MYOZ2: variants seen among roughly 807,000 people sequenced by gnomAD.
MYOZ2 encodes the protein myozenin 2.
MYOZ2 carries 19 observed loss-of-function variants against 25.4 expected under a neutral mutation model. The observed-to-expected ratio is 0.75, with a 90% CI of 0.52 to 1.10. The LOEUF (loss-of-function observed/expected upper bound fraction) is 1.10, where lower values mean the gene tolerates loss of function less well. MYOZ2 is among the 50% of genes least tolerant of loss of function. The pLI, the probability that MYOZ2 is intolerant of heterozygous loss-of-function variation, is 0.00. For missense variants in MYOZ2, 270 were observed against 317.9 expected (o/e 0.85, Z 1.15); for synonymous variants, 92 against 106.9 (o/e 0.86, Z 0.86).
chr4:119,169,293 C>T (rs1741899280), intron 5 of MYOZ2, among the ~76,000 whole-genome samples: 2 of 152,184 alleles, frequency 1.3e-5, no homozygotes, highest in South Asian at 4.1e-4. Context: ...TTTCATGCAA[C>T]TTGCTCTCTT....
intron 3 of MYOZ2, among the ~76,000 whole-genome samples, chr4:119,154,869 A>T (rs1405905741): frequency 7.4e-6 from 1 of 134,908 alleles, no homozygotes; most frequent in Non-Finnish European, 1.6e-5. Context: ...ACACACACAC[A>T]CGCACACACA....
intron 2 of MYOZ2, among the ~76,000 whole-genome samples, chr4:119,142,484 C>T (rs535928715): frequency 6.6e-6 from 1 of 152,334 alleles, no homozygotes; most frequent in Non-Finnish European, 1.5e-5. Context: ...AGACTCCAAA[C>T]ACTTGCAAAT....
At chr4:119,159,071 AT>A (rs1378678828) in intron 4 of MYOZ2, among the ~76,000 whole-genome samples, 3 of 152,202 alleles carry the variant, frequency 2.0e-5, no homozygotes, top group African/African-American at 7.2e-5. Context: ...AATGAACCCC[AT>A]AAATATATAC....
At chr4:119,177,061 C>CA (rs34048630) in intron 5 of MYOZ2, among the ~76,000 whole-genome samples, 3 of 151,584 alleles carry the variant, frequency 2.0e-5, no homozygotes, top group South Asian at 2.1e-4. Context: ...GACTCTGTCT[C>CA]AAAAAAAACA....
rs376630781 is a variant in MYOZ2, at chr4:119,185,630, TA to T, written c.561-335del. 2.5e-3 allele frequency among the ~76,000 whole-genome samples: 378 copies of T among 152,268 alleles called. 1 individual carries two copies. Among genetic ancestry groups the T allele is most frequent in the African/African-American group, 8.8e-3 (366 of 41,558 alleles). ...ACGCCCGGCCTAGAAATATCTTGAATAGGGGAAATATTGTTGGTAAAAGTAC... is the reference window on the plus strand; with the variant it reads ...ACGCCCGGCCTAGAAATATCTTGAATGGGGAAATATTGTTGGTAAAAGTAC... On this transcript the variant is annotated intron_variant, in intron 5 of 5. Coordinates refer to ENST00000307128, the MANE Select transcript of MYOZ2 (RefSeq NM_016599.5).
At chr4:119,173,941 T>TG (rs980662655) in intron 5 of MYOZ2, among the ~76,000 whole-genome samples, 6 of 152,270 alleles carry the variant, frequency 3.9e-5, no homozygotes, top group African/African-American at 9.6e-5. Context: ...CCAGCGGCGG[T>TG]GGGGGGTGTA....
intron 5 of MYOZ2, among the ~76,000 whole-genome samples, chr4:119,180,420 C>T (rs1268931642): frequency 6.6e-6 from 1 of 152,234 alleles, no homozygotes; most frequent in Admixed American, 6.5e-5. Flanking sequence ...ACTCCACTCT[C>T]ATCCCCTGCC....
intron 4 of MYOZ2, among the ~76,000 whole-genome samples, chr4:119,158,928 A>G (rs1254232458): frequency 6.6e-6 from 1 of 152,182 alleles, no homozygotes; most frequent in Non-Finnish European, 1.5e-5. Context: ...TAGTAACCTA[A>G]TTGTACATTT....
Position 119,186,515 on chromosome 4 carries a change from G to T in MYOZ2, c.*315G>T. The stretch of plus-strand genomic sequence containing the variant: ...GTTTCACCTTTGTCTCATTTTATAT[G>T]ATTTATTACAGTGTAAGTTTTTCAA... On this transcript the variant is annotated 3_prime_UTR_variant, in exon 6 of 6. Coordinates refer to ENST00000307128, the MANE Select transcript of MYOZ2 (RefSeq NM_016599.5). 3.2e-6 allele frequency: 1 copy of T among 317,186 alleles called. No individual in the cohort carries two copies. The highest frequency in any genetic ancestry group is 5.9e-6 in the Non-Finnish European group (1 of 169,922). The allele number at this position is 317,186 out of a possible 1,614,324, so 19.6% of individuals were successfully genotyped here. A position where few individuals can be genotyped will look rare whatever the true frequency, so the allele number is the denominator to read the frequency against.
At chr4:119,157,780 C>G (rs900145208) in intron 3 of MYOZ2, among the ~76,000 whole-genome samples, 3 of 152,134 alleles carry the variant, frequency 2.0e-5, no homozygotes, top group African/African-American at 7.2e-5. Context: ...GTCTCAATTT[C>G]AGCTCTAATC....
rs771164968 is a variant in MYOZ2 at position 119,185,946 on chromosome 4, T to C, written c.561-20T>C. On this transcript the variant is annotated intron_variant, in intron 5 of 5. Transcript: ENST00000307128. ...ATTTGAATATTAATTGAGATCTGTT[T>C]TTTTTTTAATTTCCCACAGGGTTGC... is the stretch of plus-strand genomic sequence containing the variant. 4.2e-5 allele frequency: 67 copies of C among 1,588,180 alleles called. No individual in the cohort carries two copies. Among genetic ancestry groups the C allele is most frequent in the Admixed American group, 6.7e-5 (4 of 59,786 alleles).
rs775592981 is a variant in MYOZ2, at chr4:119,136,561, A to C, written c.36A>C (p.Lys12Asn). 7.4e-6 allele frequency: 12 copies of C among 1,613,698 alleles called. No homozygotes were observed. The highest frequency in any genetic ancestry group is 3.3e-5 in the Admixed American group (2 of 60,000). The change falls in exon 2 of 6, where the codon AAA becomes AAC. Residue 12 changes from lysine (K) to asparagine (N), a missense_variant. Physicochemically the swap from Lys to Asn is moderately conservative, Grantham distance 94. Coordinates refer to ENST00000307128, the MANE Select transcript of MYOZ2 (RefSeq NM_016599.5). ...ATAATACTATGATGAAGCAGAGAAA[A>C]CAGCAAGCAACAGCCATCATGAAGG... ...LSHNTMMKQR[K>N]QQATAIMKEV...
chr4:119,183,385 C>T (rs565418047), intron 5 of MYOZ2, among the ~76,000 whole-genome samples: 77 of 150,394 alleles, frequency 5.1e-4, no homozygotes, highest in Non-Finnish European at 9.0e-4. Context: ...GATTTAGAAA[C>T]GCAGTTGTAA....
chr4:119,136,601 G>A lies in MYOZ2; in HGVS notation c.76G>A (p.Asp26Asn). 1 of 1,612,458 alleles carries A rather than the reference G, an allele frequency of 6.2e-7. No homozygotes were observed. The highest frequency in any genetic ancestry group is 8.5e-7 in the Non-Finnish European group (1 of 1,178,758). ...CATCATGAAGGAAGTCCATGGAAATGGTATCAATAAAAATCCTTCGTAGCA... is the reference window on the plus strand; with the variant it reads ...CATCATGAAGGAAGTCCATGGAAATAGTATCAATAAAAATCCTTCGTAGCA... Reference protein sequence around the residue: ...TAIMKEVHGNDVDGMDLGKKV... With the variant: ...TAIMKEVHGNNVDGMDLGKKV... Residue 26 changes from aspartate to asparagine, a missense_variant and splice_region_variant, in exon 2 of 6, where the codon GAT (aspartate) becomes AAT (asparagine). Transcript: ENST00000307128.
At chr4:119,157,760 C>T (rs1051262179) in intron 3 of MYOZ2, among the ~76,000 whole-genome samples, 1 of 152,112 alleles carries the variant, frequency 6.6e-6, no homozygotes, top group African/African-American at 2.4e-5. Flanking sequence ...CAGTGCCTGG[C>T]ACACAGTAAG....
chr4:119,138,910 T>A (rs1741098388), intron 2 of MYOZ2, among the ~76,000 whole-genome samples: 1 of 152,090 alleles, frequency 6.6e-6, no homozygotes, highest in Non-Finnish European at 1.5e-5. Context: ...GATAAATCAC[T>A]AGAAAAATAT....
At chr4:119,185,912 T>C in intron 5 of MYOZ2, 54 bp from the exon 6 acceptor site, 1 of 1,440,988 alleles carries the variant, frequency 6.9e-7, no homozygotes, top group Non-Finnish European at 9.7e-7. Flanking sequence ...TTGTTTTCTA[T>C]TTTGACAAAT....
intron 4 of MYOZ2, among the ~76,000 whole-genome samples, chr4:119,158,808 T>C (rs1246585331): frequency 6.6e-6 from 1 of 152,202 alleles, no homozygotes; most frequent in Non-Finnish European, 1.5e-5. Flanking sequence ...GACATATTAA[T>C]TACAATCCTC....
chr4:119,154,006 G>A (rs1320502716), intron 3 of MYOZ2, among the ~76,000 whole-genome samples: 6 of 152,034 alleles, frequency 3.9e-5, no homozygotes, highest in Non-Finnish European at 8.8e-5. Context: ...CTTCTTATCA[G>A]TTACTGCAAA....
Sources: gnomAD v4.1 joint callset for allele counts (sites outside exome capture counted in the v4.1 genomes callset) on GRCh38, gnomAD v4.1.1 for gene constraint, MANE v1.5 for transcripts, NCBI Gene and HGNC (gene_info 2026-07-23, HGNC 2026-07-21) for gene names.